Variants in BDP1 observed in about 807,000 individuals in gnomAD.
BDP1 encodes transcription factor TFIIIB component B'' homolog.
A neutral mutation model predicts 266.6 loss-of-function variants in BDP1; 169 were observed. The ratio of observed to expected loss-of-function variants is 0.63; its 90% CI spans 0.56 to 0.72. BDP1 has a LOEUF of 0.72. Ranked by LOEUF, BDP1 falls within the 30% of genes least tolerant of loss-of-function variation. The pLI is 0.00. For missense variants in BDP1, 3,015 were observed against 3,053.8 expected (o/e 0.99, Z 0.30); for synonymous variants, 1,090 against 1,022.4 (o/e 1.07, Z -1.26).
intron 32 of BDP1, among the ~76,000 whole-genome samples, chr5:71,546,655 T>G (rs1397491219): frequency 7.5e-6 from 1 of 132,506 alleles, no homozygotes; most frequent in Non-Finnish European, 1.6e-5. Flanking sequence ...ACCAAAAAAC[T>G]GAATCATTTG....
At chr5:71,548,786 TG>T in intron 33 of BDP1, 41 bp downstream of exon 33, 1 of 1,385,962 alleles carries the variant, frequency 7.2e-7, no homozygotes, top group African/African-American at 1.4e-5. Flanking sequence ...AGAACTTAGT[TG>T]TATGATTTTT....
At chr5:71,525,568 G>A (rs1765789259) in intron 25 of BDP1, among the ~76,000 whole-genome samples, 1 of 85,696 alleles carries the variant, frequency 1.2e-5, no homozygotes. Flanking sequence ...TCCCGGATGG[G>A]GCGGCTGGCC....
chr5:71,524,051 A>G lies in BDP1; in HGVS notation c.5500A>G (p.Lys1834Glu), dbSNP rs1765644121. ...ERNRGERRSH[K>E]KFKPNVTRGR... ...AAATCGTGGTGAAAGGAGAAGTCATAAAAAGTTCAAACCAAATGTCACCAG... is the reference window on the plus strand; with the variant it reads ...AAATCGTGGTGAAAGGAGAAGTCATGAAAAGTTCAAACCAAATGTCACCAG... Residue 1834 changes from lysine to glutamate, a missense_variant, in exon 25 of 39, where the codon AAA becomes GAA. Coordinates refer to ENST00000358731, the MANE Select transcript of BDP1 (RefSeq NM_018429.3). The G allele has an allele frequency of 1.9e-6, 3 of 1,614,214 alleles. No homozygotes were observed. The highest frequency in any genetic ancestry group is 4.5e-5 in the East Asian group (2 of 44,876).
the BDP1 span, among the ~76,000 whole-genome samples, chr5:71,575,980 A>T: frequency 6.6e-6 from 1 of 152,192 alleles, no homozygotes; most frequent in Non-Finnish European, 1.5e-5. Flanking sequence ...ACTTCCCCAT[A>T]CCAATACTTA....
chr5:71,457,367 G>T (rs979822848), intron 1 of BDP1, among the ~76,000 whole-genome samples: 2 of 149,548 alleles, frequency 1.3e-5, no homozygotes, highest in African/African-American at 4.9e-5. Context: ...TGTCGCCCAG[G>T]CTGAAGTGCA....
intron 3 of BDP1, among the ~76,000 whole-genome samples, chr5:71,462,747 G>A (rs746351536): frequency 3.9e-5 from 6 of 151,954 alleles, no homozygotes; most frequent in South Asian, 2.1e-4. Flanking sequence ...GTGACAGAGC[G>A]AGATCCTGTC....
Position 71,509,868 on chromosome 5 carries a change from G to C in BDP1, c.2776G>C (p.Asp926His). 1 of 1,614,072 alleles carries C rather than the reference G, an allele frequency of 6.2e-7. No homozygotes were observed. ...PEVIDATEEIDKDLEEAGRRE... is the reference protein window; with the variant it reads ...PEVIDATEEIHKDLEEAGRRE... ...GGTGATTGATGCCACTGAGGAAATA[G>C]ACAAAGATTTGGAAGAAGCTGGAAG... is the stretch of plus-strand genomic sequence containing the variant. Residue 926 changes from aspartate (D) to histidine (H), a missense_variant, in exon 17 of 39, where the codon GAC becomes CAC. By Grantham distance (81) the Asp-to-His change is moderately conservative (BLOSUM62 -1). Transcript: ENST00000358731.
intron 38 of BDP1, 136 bp downstream of exon 38, chr5:71,562,656 ATCGTGTTCCTCCATAATG>A: frequency 6.8e-7 from 1 of 1,475,102 alleles, no homozygotes; most frequent in East Asian, 2.3e-5. Context: ...CCTTCTCTCC[ATCGTGTTCCTCCATAATG>A]GAAGAAGAAA....
At chr5:71,457,227 T>G (rs1761249366) in intron 1 of BDP1, among the ~76,000 whole-genome samples, 1 of 152,032 alleles carries the variant, frequency 6.6e-6, no homozygotes, top group African/African-American at 2.4e-5. Context: ...TAATTTTTTT[T>G]TTTGAGTTGA....
rs377735195 is a variant in BDP1 at position 71,542,241 on chromosome 5, G to A, written c.6388G>A (p.Gly2130Arg). ...QEVSSLCVTK[G>R]AEMETQRETE... Reference sequence around the variant, plus strand: ...AGTTTCCAGTTTGTGTGTAACCAAAGGGGCAGAAATGGAAACTCAAAGAGG... The same window carrying A: ...AGTTTCCAGTTTGTGTGTAACCAAAAGGGCAGAAATGGAAACTCAAAGAGG... The change falls in exon 30 of 39, where the codon GGG (glycine) becomes AGG (arginine). Residue 2130 changes from glycine (G) to arginine (R), a missense_variant. Physicochemically the swap from Gly to Arg is moderately radical, Grantham distance 125 (BLOSUM62 -2). Around this residue, in one of 3 missense-constraint regions of BDP1, gnomAD observed 629 missense variants for 632.5 expected, o/e 0.99. Transcript: ENST00000358731. The A allele has an allele frequency of 1.7e-5, 27 of 1,610,428 alleles. No individual in the cohort carries two copies. Among genetic ancestry groups the A allele is most frequent in the Non-Finnish European group, 2.2e-5 (26 of 1,179,174 alleles).
intron 16 of BDP1, among the ~76,000 whole-genome samples, chr5:71,506,758 T>TTATATATATATATATATATATATATATA (rs67179518): frequency 6.6e-5 from 9 of 135,854 alleles, no homozygotes; most frequent in African/African-American, 2.5e-4. Context: ...GTTTGGAGGT[T>TTATATATATATATATATATATATATATA]TATATATATA....
chr5:71,562,530 A>G lies in BDP1; in HGVS notation c.7743+10A>G, dbSNP rs774088700. On this transcript the variant is annotated intron_variant, in intron 38 of 38. Coordinates refer to ENST00000358731, the MANE Select transcript of BDP1 (RefSeq NM_018429.3). ...CAGCTCAGCAACTCAGGTATGTGATAACTACTGTATTTTATAGTTTGTATG... is the reference window on the plus strand; with the variant it reads ...CAGCTCAGCAACTCAGGTATGTGATGACTACTGTATTTTATAGTTTGTATG... The G allele has an allele frequency of 1.2e-6, 2 of 1,612,236 alleles. No homozygotes were observed. Among genetic ancestry groups the G allele is most frequent in the South Asian group, 1.1e-5 (1 of 90,920 alleles).
At chr5:71,500,346 G>A (rs1257744203) in intron 13 of BDP1, among the ~76,000 whole-genome samples, 2 of 47,422 alleles carry the variant, frequency 4.2e-5, no homozygotes, top group African/African-American at 1.8e-4. Context: ...TTTTTTTGAG[G>A]TTTAGTTTCA....
intron 38 of BDP1, 68 bp downstream of exon 38, chr5:71,562,588 A>G: frequency 6.5e-7 from 1 of 1,540,742 alleles, no homozygotes; most frequent in Non-Finnish European, 8.8e-7. Context: ...AACTAGGGAA[A>G]ACATAGTAAT....
At position 71,509,471 on chromosome 5, in the gene BDP1, A is replaced by G. The variant is rs778731547; in HGVS notation, c.2379A>G (p.Gln793=). 3.6e-5 allele frequency: 56 copies of G among 1,570,746 alleles called. No individual in the cohort carries two copies. The highest frequency in any genetic ancestry group is 4.5e-5 in the Non-Finnish European group (52 of 1,166,178). ...CCCCCTTTTTTTTTTATAGCGTTCA[A>G]GAGAATAATAAGGCAAATAAACTTA... is the stretch of plus-strand genomic sequence containing the variant. ...PKVLNECLSV[Q]ENNKANKLNQ... The change falls in exon 17 of 39, where the codon CAA becomes CAG. Residue 793 remains glutamine (Q), a synonymous_variant. Coordinates refer to ENST00000358731, the MANE Select transcript of BDP1 (RefSeq NM_018429.3).
chr5:71,533,391 CCAG>C (rs1472804601), intron 26 of BDP1, among the ~76,000 whole-genome samples: 1 of 152,028 alleles, frequency 6.6e-6, no homozygotes, highest in Admixed American at 6.6e-5. Flanking sequence ...TACATTCCCA[CCAG>C]CAGTTTATGA....
At chr5:71,467,535 A>C in intron 6 of BDP1, 48 bp downstream of exon 6, 1 of 1,460,362 alleles carries the variant, frequency 6.8e-7, no homozygotes, top group Non-Finnish European at 9.5e-7. Context: ...TTTGAAATGA[A>C]TTGACTGTTT....
intron 7 of BDP1, among the ~76,000 whole-genome samples, chr5:71,472,792 AC>A (rs747202758): frequency 6.6e-5 from 10 of 151,250 alleles, no homozygotes; most frequent in Non-Finnish European, 1.5e-4. Context: ...GATAGAATTT[AC>A]CTGTGAAACT....
In BDP1 at chr5:71,509,718, G is replaced by A; in HGVS notation, c.2626G>A (p.Glu876Lys). 1 of 1,613,984 alleles carries A rather than the reference G, an allele frequency of 6.2e-7. No individual in the cohort carries two copies. ...NTKEMQSDLK[E>K]TGRRAISPRE... ...TAAAGAAATGCAGTCAGATTTAAAA[G>A]AAACTGGAAGAAGAGCCATTTCTCC... The change falls in exon 17 of 39, where the codon GAA (glutamate) becomes AAA (lysine). Residue 876 changes from glutamate (E) to lysine (K), a missense_variant. Glu to Lys is a moderately conservative substitution (Grantham distance 56). Around this residue, in one of 3 missense-constraint regions of BDP1, gnomAD observed 2,383 missense variants for 2,404.9 expected, o/e 0.99. Transcript: ENST00000358731.
Sources: allele counts gnomAD v4.1 joint callset (sites outside exome capture counted in the v4.1 genomes callset), GRCh38; gene constraint gnomAD v4.1.1; regional missense constraint gnomAD v4.1.1; transcripts MANE v1.5; gene names NCBI Gene and HGNC (gene_info 2026-07-23, HGNC 2026-07-21).